The following RBFOX1 variants were observed in gnomAD, a reference collection of about 807,000 sequenced individuals.
The protein encoded by RBFOX1 is RNA binding protein fox-1 homolog 1.
In RBFOX1, 8 loss-of-function variants were observed where a neutral mutation model predicts 57.7. The ratio of observed to expected loss-of-function variants is 0.14; its 90% confidence interval spans 0.08 to 0.25. The LOEUF is 0.25. Ranked by LOEUF, RBFOX1 falls within the 10% of genes least tolerant of loss-of-function variation. RBFOX1 has a pLI of 1.00. For synonymous variants in RBFOX1, 326 were observed against 222.4 expected, an observed-to-expected ratio of 1.47 and a Z score of -4.15; for missense variants, 611 against 548.5, an observed-to-expected ratio of 1.11 and a Z score of -1.14.
chr16:7,520,595 G>C (rs1350051645), intron 5 of RBFOX1, among the ~76,000 whole-genome samples: 1 of 152,146 alleles, frequency 6.6e-6, no homozygotes, highest in African/African-American at 2.4e-5. Flanking sequence ...GGATATTTGG[G>C]TTGTCTCCAC....
intron 1 of RBFOX1, among the ~76,000 whole-genome samples, chr16:5,332,732 T>A (rs1213705193): frequency 6.6e-6 from 1 of 152,016 alleles, no homozygotes; most frequent in Non-Finnish European, 1.5e-5. Flanking sequence ...TGTGTAGATA[T>A]TATTTTTGTA....
intron 4 of RBFOX1, among the ~76,000 whole-genome samples, chr16:7,364,936 C>A (rs2097409440): frequency 6.6e-6 from 1 of 152,166 alleles, no homozygotes; most frequent in South Asian, 2.1e-4. Flanking sequence ...AATTAGATGC[C>A]AAGCACTCTG....
chr16:6,245,531 T>C (rs1366496598), intron 1 of RBFOX1, among the ~76,000 whole-genome samples: 1 of 152,204 alleles, frequency 6.6e-6, no homozygotes, highest in African/African-American at 2.4e-5. Flanking sequence ...TACCACGGTC[T>C]GCAGTGCAAC....
upstream of RBFOX1, among the ~76,000 whole-genome samples, chr16:6,014,443 C>A (rs998061554): frequency 6.6e-6 from 1 of 152,154 alleles, no homozygotes; most frequent in Non-Finnish European, 1.5e-5. Context: ...TCTGTGGACA[C>A]CAGATAGCTC....
intron 2 of RBFOX1, among the ~76,000 whole-genome samples, chr16:6,606,364 T>C (rs2097925226): frequency 1.3e-5 from 2 of 152,170 alleles, no homozygotes; most frequent in African/African-American, 2.4e-5. Context: ...TGACTGTACG[T>C]GTTTTAAAAT....
chr16:5,504,839 C>T (rs1025543789), intron 2 of RBFOX1, among the ~76,000 whole-genome samples: 1 of 152,176 alleles, frequency 6.6e-6, no homozygotes, highest in Non-Finnish European at 1.5e-5. Context: ...GGCATGAGGG[C>T]TTGCTGACCC....
intron 3 of RBFOX1, among the ~76,000 whole-genome samples, chr16:6,809,620 C>T (rs1481998875): frequency 6.6e-6 from 1 of 152,106 alleles, no homozygotes; most frequent in Non-Finnish European, 1.5e-5. Context: ...GCTACCCCAT[C>T]CGAAGTCCAT....
chr16:7,299,959 A>G (rs184278634), intron 4 of RBFOX1, among the ~76,000 whole-genome samples: 3 of 152,362 alleles, frequency 2.0e-5, no homozygotes, highest in Admixed American at 2.0e-4. Flanking sequence ...ATCGCAAGTC[A>G]GGGACCATCT....
chr16:6,344,957 G>A (rs1376540233), intron 2 of RBFOX1, among the ~76,000 whole-genome samples: 2 of 152,096 alleles, frequency 1.3e-5, no homozygotes, highest in African/African-American at 4.8e-5. Context: ...GAGCCACCGA[G>A]CCCGGCCTGG....
At chr16:5,381,634 T>C (rs2066133872) in intron 1 of RBFOX1, among the ~76,000 whole-genome samples, 1 of 152,232 alleles carries the variant, frequency 6.6e-6, no homozygotes, top group Admixed American at 6.5e-5. Context: ...CCCATAGGGT[T>C]GTTACAAACA....
intron 3 of RBFOX1, among the ~76,000 whole-genome samples, chr16:6,995,529 C>T (rs572720534): frequency 1.3e-5 from 2 of 151,994 alleles, no homozygotes; most frequent in East Asian, 1.9e-4. Context: ...CTTTGGGAGG[C>T]CAAGGAGGGT....
chr16:6,890,625 G>A (rs1479218783), intron 3 of RBFOX1, among the ~76,000 whole-genome samples: 2 of 152,174 alleles, frequency 1.3e-5, no homozygotes, highest in African/African-American at 4.8e-5. Context: ...TATTGTGTTG[G>A]TGTTTGTAAC....
Position 7,426,989 on chromosome 16 carries a change from T to G in RBFOX1, c.28-91158T>G, listed in dbSNP as rs545892190. Among the ~76,000 whole-genome samples, 241 of 152,262 alleles carry G rather than the reference T, an allele frequency of 1.6e-3. 2 individuals carry two copies. Among genetic ancestry groups the G allele is most frequent in the African/African-American group, 5.5e-3 (228 of 41,552 alleles). On this transcript the variant is annotated intron_variant, in intron 4 of 15. Transcript: ENST00000550418. ...GGGACATGGATGAAGCTGGAAACCATCATTCTCAGCAAACTATTGAAAGGA... is the reference window on the plus strand; with the variant it reads ...GGGACATGGATGAAGCTGGAAACCAGCATTCTCAGCAAACTATTGAAAGGA...
At chr16:5,624,443 C>T (rs1205052511) in intron 3 of RBFOX1, among the ~76,000 whole-genome samples, 2 of 152,202 alleles carry the variant, frequency 1.3e-5, no homozygotes, top group East Asian at 1.9e-4. Flanking sequence ...GTGATCCGCC[C>T]GCCTCGGCCT....
At chr16:6,020,167 C>T (rs74006557) in intron 1 of RBFOX1, among the ~76,000 whole-genome samples, 175 bp downstream of exon 1, 20,918 of 151,866 alleles carry the variant, frequency 0.14, 1,514 homozygotes, top group Admixed American at 0.18. Context: ...GAGGCGTGTC[C>T]CCCCCTACCC....
intron 3 of RBFOX1, among the ~76,000 whole-genome samples, chr16:5,663,496 C>A (rs1376345603): frequency 6.6e-6 from 1 of 152,130 alleles, no homozygotes; most frequent in Non-Finnish European, 1.5e-5. Context: ...TGAGCTACCA[C>A]ACCTGGCTGA....
At chr16:5,486,828 C>T (rs924884578) in intron 2 of RBFOX1, among the ~76,000 whole-genome samples, 3 of 151,718 alleles carry the variant, frequency 2.0e-5, no homozygotes, top group Middle Eastern at 3.2e-3. Context: ...TCTTTAATAC[C>T]TTGCTGGAGA....
chr16:7,470,244 G>T (rs2061324153), intron 4 of RBFOX1, among the ~76,000 whole-genome samples: 2 of 152,162 alleles, frequency 1.3e-5, no homozygotes, highest in Admixed American at 1.3e-4. Flanking sequence ...TGATTTCTGT[G>T]TCTGCCTCTC....
intron 2 of RBFOX1, among the ~76,000 whole-genome samples, chr16:6,347,305 T>A (rs1180677906): frequency 6.6e-6 from 1 of 152,180 alleles, no homozygotes; most frequent in Non-Finnish European, 1.5e-5. Flanking sequence ...ATCATCATCA[T>A]TGTCTCTCCT....
Sources: allele counts gnomAD v4.1 joint callset (sites outside exome capture counted in the v4.1 genomes callset), GRCh38; gene constraint gnomAD v4.1.1; transcripts MANE v1.5; gene names NCBI Gene and HGNC (gene_info 2026-07-23, HGNC 2026-07-21).